SLC22A24: variants seen among roughly 807,000 people sequenced by gnomAD.
SLC22A24 encodes the protein steroid transmembrane transporter SLC22A24.
In SLC22A24, 53 loss-of-function variants were observed where a neutral mutation model predicts 49.8. The ratio of observed to expected loss-of-function variants is 1.06; its 90% confidence interval spans 0.85 to 1.34. SLC22A24 has a LOEUF of 1.34. SLC22A24 is among the 40% of genes most tolerant of loss of function. The pLI is 0.00. For missense variants in SLC22A24, 786 were observed against 675.9 expected (o/e 1.16, Z -1.81); for synonymous variants, 302 against 256.4 (o/e 1.18, Z -1.70).
chr11:63,141,350 A>G (rs1477197265), intron 1 of SLC22A24, among the ~76,000 whole-genome samples: 2 of 152,116 alleles, frequency 1.3e-5, no homozygotes, highest in African/African-American at 4.8e-5. Context: ...GAGGGAGGAG[A>G]CAGATTTAGT....
chr11:63,084,044 G>T (rs542244011), intron 6 of SLC22A24, among the ~76,000 whole-genome samples: 15 of 152,242 alleles, frequency 9.9e-5, no homozygotes, highest in Non-Finnish European at 1.6e-4. Context: ...TAGAGAAAAG[G>T]TCAACAATAT....
chr11:63,142,764 G>T (rs2087423466), intron 1 of SLC22A24, among the ~76,000 whole-genome samples: 1 of 152,008 alleles, frequency 6.6e-6, no homozygotes, highest in Non-Finnish European at 1.5e-5. Flanking sequence ...GCACAAGAAG[G>T]CAGCTTTGAC....
intron 2 of SLC22A24, among the ~76,000 whole-genome samples, chr11:63,131,682 C>T (rs1233426359): frequency 1.3e-5 from 2 of 152,116 alleles, no homozygotes; most frequent in South Asian, 4.2e-4. Context: ...AGTGGGTAAC[C>T]CCACCTTCAT....
At chr11:63,120,583 T>C (rs1454214054) in intron 2 of SLC22A24, among the ~76,000 whole-genome samples, 1 of 151,820 alleles carries the variant, frequency 6.6e-6, no homozygotes, top group Admixed American at 6.6e-5. Flanking sequence ...AAGGGGAAGA[T>C]AAACAAATAG....
intron 6 of SLC22A24, among the ~76,000 whole-genome samples, chr11:63,087,562 G>A (rs777911060): frequency 6.6e-6 from 1 of 152,160 alleles, no homozygotes; most frequent in Non-Finnish European, 1.5e-5. Flanking sequence ...TGGAACCTTA[G>A]CAAGACAGAA....
chr11:63,124,781 T>G (rs1051113767), intron 2 of SLC22A24, among the ~76,000 whole-genome samples: 21 of 152,090 alleles, frequency 1.4e-4, no homozygotes, highest in African/African-American at 5.1e-4. Context: ...CCATAAAAAA[T>G]GATGAGTTCA....
At chr11:63,138,408 C>T (rs546995105) in intron 1 of SLC22A24, among the ~76,000 whole-genome samples, 40 of 151,986 alleles carry the variant, frequency 2.6e-4, no homozygotes, top group Non-Finnish European at 4.1e-4. Context: ...TTTTGGAGGC[C>T]GAGGCAGGCA....
At position 63,086,081 on chromosome 11, in the gene SLC22A24, C is replaced by G. The variant is rs144525367; in HGVS notation, c.1071-2624G>C. Among the ~76,000 whole-genome samples the G allele has an allele frequency of 3.5e-4, 54 of 152,252 alleles. No individual in the cohort carries two copies. The Middle Eastern group carries it at 0.01, about 29-fold the overall frequency. On this transcript the variant is annotated intron_variant, in intron 6 of 9. Coordinates refer to ENST00000612278, the MANE Select transcript of SLC22A24 (RefSeq NM_001136506.2). Reference sequence around the variant, plus strand: ...GAGATAAGAGAATGCTTATACACTGCTGGTGGGAATGTAAATTAGTTCAGC... The same window carrying G: ...GAGATAAGAGAATGCTTATACACTGGTGGTGGGAATGTAAATTAGTTCAGC...
At chr11:63,107,252 T>C (rs1312381181) in intron 4 of SLC22A24, among the ~76,000 whole-genome samples, 1 of 152,102 alleles carries the variant, frequency 6.6e-6, no homozygotes, top group Non-Finnish European at 1.5e-5. Context: ...AGATGTGTGG[T>C]GTTATTTCTG....
chr11:63,093,214 A>G (rs758425830), intron 6 of SLC22A24, among the ~76,000 whole-genome samples: 11 of 152,196 alleles, frequency 7.2e-5, no homozygotes, highest in Non-Finnish European at 1.2e-4. Flanking sequence ...GCTGTGGAGA[A>G]GTAGAAACGC....
intron 4 of SLC22A24, among the ~76,000 whole-genome samples, chr11:63,110,957 C>T (rs1350785801): frequency 6.6e-6 from 1 of 152,022 alleles, no homozygotes; most frequent in South Asian, 2.1e-4. Context: ...CCAGTTTTTG[C>T]CCACTCAGTA....
intron 1 of SLC22A24, among the ~76,000 whole-genome samples, chr11:63,141,153 C>A (rs896143619): frequency 6.6e-6 from 1 of 151,992 alleles, no homozygotes; most frequent in South Asian, 2.1e-4. Flanking sequence ...ATCTTATGGT[C>A]AAACTAATTA....
intron 6 of SLC22A24, among the ~76,000 whole-genome samples, chr11:63,092,569 C>A (rs2087027590): frequency 1.5e-5 from 1 of 66,648 alleles, no homozygotes; most frequent in South Asian, 6.2e-4. Flanking sequence ...CTTTGACGAA[C>A]CTGACATAAA....
chr11:63,095,987 T>C lies in SLC22A24; in HGVS notation c.1070+4A>G, dbSNP rs1369284381. On this transcript the variant is annotated splice_donor_region_variant and intron_variant, in intron 6 of 9. Transcript: ENST00000612278. ...AAAGTGAATCATCACCAAATGGAAC[T>C]TACCTCACAAAGCACAGGCCGAAGA... The C allele has an allele frequency of 2.6e-6, 4 of 1,542,264 alleles. No individual in the cohort carries two copies. The highest frequency in any genetic ancestry group is 4.9e-5 in the East Asian group (2 of 40,852).
At chr11:63,133,728 G>A (rs1316696565) in intron 2 of SLC22A24, among the ~76,000 whole-genome samples, 1 of 151,848 alleles carries the variant, frequency 6.6e-6, no homozygotes, top group Admixed American at 6.6e-5. Context: ...TGCAACCTCT[G>A]CCTTCTGGGT....
At position 63,143,358 on chromosome 11, in the gene SLC22A24, A is replaced by T; in HGVS notation, c.402+20T>A. On this transcript the variant is annotated intron_variant, in intron 1 of 9. Coordinates refer to ENST00000612278, the MANE Select transcript of SLC22A24 (RefSeq NM_001136506.2). ...AACACTTTAATCATATAAACAGAAG[A>T]TTTACATGGGGCCTCTTACCTCAGT... is the stretch of plus-strand genomic sequence containing the variant. The T allele has an allele frequency of 2.1e-6, 3 of 1,432,052 alleles. No individual in the cohort carries two copies. Among genetic ancestry groups the T allele is most frequent in the Non-Finnish European group, 2.8e-6 (3 of 1,090,028 alleles). 88.7% of individuals were successfully genotyped at this position (1,432,052 alleles called of 1,614,324 possible).
chr11:63,135,568 C>T (rs950396802), intron 1 of SLC22A24, among the ~76,000 whole-genome samples: 3 of 152,124 alleles, frequency 2.0e-5, no homozygotes, highest in African/African-American at 7.2e-5. Context: ...TTGGAATTTG[C>T]CATTTGATAT....
At chr11:63,131,883 T>C (rs2087338613) in intron 2 of SLC22A24, among the ~76,000 whole-genome samples, 1 of 152,254 alleles carries the variant, frequency 6.6e-6, no homozygotes, top group South Asian at 2.1e-4. Context: ...TCTTCTAACT[T>C]GGTTCCATTT....
In SLC22A24 at chr11:63,081,564, A is replaced by G; in HGVS notation, c.1388T>C (p.Ile463Thr). The change falls in exon 8 of 10, where the codon ATA becomes ACA. Residue 463 changes from isoleucine (I) to threonine (T), a missense_variant. Physicochemically the swap from Ile to Thr is moderately conservative, Grantham distance 89. Transcript: ENST00000612278. Reference protein sequence around the residue: ...SVHHNELVPTILRSTVAGINA... With the variant: ...SVHHNELVPTTLRSTVAGINA... ...TGGTCTTTAGCTCTTGTACCTCAAT[A>G]TGGTGGGGACGAGCTCGTTGTGGTG... 1.3e-6 allele frequency: 2 copies of G among 1,549,108 alleles called. No homozygotes were observed. Among genetic ancestry groups the G allele is most frequent in the Non-Finnish European group, 1.7e-6 (2 of 1,144,656 alleles).
Sources: allele counts gnomAD v4.1 joint callset (sites outside exome capture counted in the v4.1 genomes callset), GRCh38; gene constraint gnomAD v4.1.1; transcripts MANE v1.5; gene names NCBI Gene and HGNC (gene_info 2026-07-23, HGNC 2026-07-21).